Variants in STK35 observed in about 807,000 individuals in gnomAD.
STK35 encodes the protein serine/threonine kinase 35, also known as serine/threonine-protein kinase 35.
In STK35, 17 loss-of-function variants were observed where a neutral mutation model predicts 37.3. The observed-to-expected ratio is 0.46, with a 90% CI of 0.31 to 0.68. The LOEUF is 0.68. STK35 is among the 30% of genes least tolerant of loss of function. STK35 has a pLI of 0.05. For missense variants in STK35, 595 were observed against 746.7 expected (o/e 0.80, Z 2.37); for synonymous variants, 385 against 319.1 (o/e 1.21, Z -2.20).
At chr20:2,118,804 AC>A (rs2122556818) in intron 3 of STK35, among the ~76,000 whole-genome samples, 1 of 152,342 alleles carries the variant, frequency 6.6e-6, no homozygotes, top group South Asian at 2.1e-4. Flanking sequence ...ACAAAAACTT[AC>A]CATTGTGTTA....
Position 2,108,635 on chromosome 20 carries a change from C to G in STK35, c.892+5270C>G, listed in dbSNP as rs562367687. On this transcript the variant is annotated intron_variant, in intron 2 of 3. Coordinates refer to ENST00000381482, the MANE Select transcript of STK35 (RefSeq NM_080836.4). ...AGCTGCCAGGGACCCCACCTGCTCTCTGCTCTACTCTTGAATGACTTGGGG... is the reference window on the plus strand; with the variant it reads ...AGCTGCCAGGGACCCCACCTGCTCTGTGCTCTACTCTTGAATGACTTGGGG... Among the ~76,000 whole-genome samples the G allele has an allele frequency of 3.9e-5, 6 of 152,316 alleles. No homozygotes were observed. In the East Asian group the frequency reaches 1.2e-3, roughly 29 times the overall value.
In STK35 at chr20:2,126,562, C is replaced by A. The variant is rs539142287; in HGVS notation, c.*37+9147C>A. Reference sequence around the variant, plus strand: ...TTCCCAACTGGAGATACACTGTGGACCCAGGACCTAGGGAGAGTGCCCAAG... The same window carrying A: ...TTCCCAACTGGAGATACACTGTGGAACCAGGACCTAGGGAGAGTGCCCAAG... On this transcript the variant is annotated intron_variant, in intron 3 of 3. Transcript: ENST00000381482. Among the ~76,000 whole-genome samples the A allele has an allele frequency of 1.8e-4, 28 of 152,280 alleles. No homozygotes were observed. In the South Asian group the frequency reaches 5.6e-3, roughly 30 times the overall value.
intron 3 of STK35, among the ~76,000 whole-genome samples, chr20:2,137,852 G>T (rs1986111946): frequency 6.6e-6 from 1 of 152,174 alleles, no homozygotes; most frequent in East Asian, 1.9e-4. Context: ...ATGCTTTGGT[G>T]TATTAAACAA....
intron 3 of STK35, among the ~76,000 whole-genome samples, chr20:2,125,446 G>C (rs1282430226): frequency 6.6e-6 from 1 of 152,210 alleles, no homozygotes; most frequent in African/African-American, 2.4e-5. Context: ...CTAAGGTTTT[G>C]AGAGCCAGGA....
At chr20:2,110,581 C>G (rs1181471263) in intron 2 of STK35, among the ~76,000 whole-genome samples, 1 of 152,068 alleles carries the variant, frequency 6.6e-6, no homozygotes, top group East Asian at 1.9e-4. Context: ...GGTGGGGAGG[C>G]TTGTTTGTTT....
In STK35 at chr20:2,102,169, G is replaced by C; in HGVS notation, c.288G>C (p.Ala96=). 4.3e-6 allele frequency: 6 copies of C among 1,383,828 alleles called. No individual in the cohort carries two copies. The highest frequency in any genetic ancestry group is 4.7e-6 in the Non-Finnish European group (5 of 1,070,058). 85.7% of individuals were successfully genotyped at this position (1,383,828 alleles called of 1,614,324 possible). Residue 96 remains alanine (A), a synonymous_variant, in exon 1 of 4, where the codon GCG becomes GCC. Transcript: ENST00000381482. ...GKRAARKWRC[A]GQVTIQGPAP... is the part of the protein sequence containing the mutation. Reference sequence around the variant, plus strand: ...GGGCCGCCCGGAAGTGGAGGTGCGCGGGCCAGGTAAGGGCGCCGTTGGAGG... The same window carrying C: ...GGGCCGCCCGGAAGTGGAGGTGCGCCGGCCAGGTAAGGGCGCCGTTGGAGG...
intron 3 of STK35, among the ~76,000 whole-genome samples, chr20:2,139,448 A>G (rs1986138018): frequency 6.6e-6 from 1 of 152,160 alleles, no homozygotes; most frequent in Non-Finnish European, 1.5e-5. Flanking sequence ...AAGGGATTAG[A>G]TGGGTTTTAA....
chr20:2,117,433 T>C lies in STK35; in HGVS notation c.*37+18T>C. 1 of 1,367,924 alleles carries C rather than the reference T, an allele frequency of 7.3e-7. No homozygotes were observed. Among genetic ancestry groups the C allele is most frequent in the Non-Finnish European group, 1.0e-6 (1 of 999,578 alleles). 84.7% of individuals were successfully genotyped at this position (1,367,924 alleles called of 1,614,324 possible). The stretch of plus-strand genomic sequence containing the variant: ...TAAACTAGGTGAGTGCTCTCTGTTG[T>C]TGTTTTTTGTTTTTTGTTTTGAGAC... On this transcript the variant is annotated intron_variant, in intron 3 of 3. Coordinates refer to ENST00000381482, the MANE Select transcript of STK35 (RefSeq NM_080836.4). This position sits in a 1 kb window ranked among gnomAD's most constrained non-coding sequence, Gnocchi z 4.4.
chr20:2,114,640 C>T (rs980297570), intron 2 of STK35, among the ~76,000 whole-genome samples: 5 of 152,198 alleles, frequency 3.3e-5, no homozygotes, highest in African/African-American at 4.8e-5. Flanking sequence ...TCCGAAGGTC[C>T]AGTCTCCCCC....
intron 2 of STK35, among the ~76,000 whole-genome samples, chr20:2,111,421 G>A (rs1321166377): frequency 3.3e-5 from 5 of 152,196 alleles, no homozygotes; most frequent in Admixed American, 6.5e-5. Context: ...GTGGCCAGGC[G>A]TGGTGGCTCA....
intron 3 of STK35, among the ~76,000 whole-genome samples, chr20:2,141,633 G>T (rs1196934468): frequency 6.6e-6 from 1 of 152,200 alleles, no homozygotes; most frequent in African/African-American, 2.4e-5. Context: ...AATCAGAAGT[G>T]AGGGAAGAGG....
In STK35 at chr20:2,143,934, G is replaced by A; in HGVS notation, c.*188G>A. On this transcript the variant is annotated 3_prime_UTR_variant, in exon 4 of 4. Coordinates refer to ENST00000381482, the MANE Select transcript of STK35 (RefSeq NM_080836.4). ...GGTTTCCCCGCTTCTTTTTAGTTTT[G>A]CTTTATTTTTTTCCTTTTCTTTTCT... The A allele has an allele frequency of 2.4e-6, 1 of 420,970 alleles. No homozygotes were observed. Among genetic ancestry groups the A allele is most frequent in the Non-Finnish European group, 4.6e-6 (1 of 217,274 alleles). The allele number at this position is 420,970 out of a possible 1,614,324, so 26.1% of individuals were successfully genotyped here. A position where few individuals can be genotyped will look rare whatever the true frequency, so the allele number is the denominator to read the frequency against.
rs201107560 is a variant in STK35 at position 2,103,406 on chromosome 20, A to T, written c.892+41A>T. On this transcript the variant is annotated intron_variant, in intron 2 of 3. Coordinates refer to ENST00000381482, the MANE Select transcript of STK35 (RefSeq NM_080836.4). ...GCCTTTCCACCCACGCAGGGCCTGG[A>T]CCCCCTGCTCTCCGGACGGCTTGGC... 9.0e-4 allele frequency: 1,412 copies of T among 1,572,748 alleles called. 2 individuals are homozygous for T. Among genetic ancestry groups the T allele is most frequent in the Non-Finnish European group, 1.2e-3 (1,359 of 1,156,024 alleles).
rs1298074282 is a variant in STK35, at chr20:2,144,795, CAG to C, written c.*1050_*1051del. 6.5e-6 allele frequency: 1 copy of C among 152,924 alleles called. No individual in the cohort carries two copies. Among genetic ancestry groups the C allele is most frequent in the Non-Finnish European group, 1.5e-5 (1 of 68,230 alleles). 9.5% of individuals were successfully genotyped at this position (152,924 alleles called of 1,614,324 possible). A position where few individuals can be genotyped will look rare whatever the true frequency, so the allele number is the denominator to read the frequency against. ...TCTGGTTGTGACTTTGCCATGATAA[CAG>C]GGTGTCCTGAACTGGCTGCCGTTGT... On this transcript the variant is annotated 3_prime_UTR_variant, in exon 4 of 4. Transcript: ENST00000381482.
At position 2,139,391 on chromosome 20, in the gene STK35, G is replaced by A. The variant is rs146979303; in HGVS notation, c.*38-4393G>A. Among the ~76,000 whole-genome samples, 83 of 152,324 alleles carry A rather than the reference G, an allele frequency of 5.4e-4. No individual in the cohort carries two copies. In the East Asian group the frequency reaches 0.011, roughly 21 times the overall value. ...GAGCACTAGACCTGTGCACAGGCAC[G>A]TAAGCCTTCCATGAGCCTTTTTTCT... On this transcript the variant is annotated intron_variant, in intron 3 of 3. Coordinates refer to ENST00000381482, the MANE Select transcript of STK35 (RefSeq NM_080836.4).
At chr20:2,138,994 C>A (rs1231603389) in intron 3 of STK35, among the ~76,000 whole-genome samples, 1 of 152,144 alleles carries the variant, frequency 6.6e-6, no homozygotes, top group East Asian at 1.9e-4. Context: ...CCACTGTACT[C>A]CAGCTTGGGT....
In STK35 at chr20:2,127,060, T is replaced by C. The variant is rs55863126; in HGVS notation, c.*37+9645T>C. On this transcript the variant is annotated intron_variant, in intron 3 of 3. Transcript: ENST00000381482. Reference sequence around the variant, plus strand: ...ATGAATGGTCACCTTTATTTTTTTTTCCCCTGAACTCGGAGGCCTGGTAGT... The same window carrying C: ...ATGAATGGTCACCTTTATTTTTTTTCCCCCTGAACTCGGAGGCCTGGTAGT... Among the ~76,000 whole-genome samples the C allele has an allele frequency of 8.5e-3, 1,289 of 152,228 alleles. 19 individuals are homozygous for C. The highest frequency in any genetic ancestry group is 0.031 in the Middle Eastern group (9 of 294).
chr20:2,102,264 C>T, intron 1 of STK35, 89 bp downstream of exon 1: 2 of 1,369,982 alleles, frequency 1.5e-6, no homozygotes, highest in Non-Finnish European at 1.9e-6. Flanking sequence ...ATCGGGTCCT[C>T]GGCCAGTCGC....
At chr20:2,118,963 A>G (rs1406722534) in intron 3 of STK35, among the ~76,000 whole-genome samples, 1 of 152,238 alleles carries the variant, frequency 6.6e-6, no homozygotes, top group African/African-American at 2.4e-5. Context: ...CAATCGCCTA[A>G]TGACTCATTT....
Sources: gnomAD v4.1 joint callset for allele counts (sites outside exome capture counted in the v4.1 genomes callset) on GRCh38, gnomAD v4.1.1 for gene constraint, Gnocchi (gnomAD v3.1) non-coding constraint, MANE v1.5 for transcripts, NCBI Gene and HGNC (gene_info 2026-07-23, HGNC 2026-07-21) for gene names.